Variants in ANAPC4 observed in about 807,000 individuals in gnomAD.
The protein encoded by ANAPC4 is anaphase promoting complex subunit 4, also known as anaphase-promoting complex subunit 4.
ANAPC4 carries 63 observed loss-of-function variants against 119.8 expected under a neutral mutation model. The observed-to-expected ratio is 0.53, with a 90% CI of 0.43 to 0.65. ANAPC4 has a LOEUF of 0.65. ANAPC4 is among the 30% of genes least tolerant of loss of function. The pLI, the probability that ANAPC4 is intolerant of heterozygous loss-of-function variation, is 0.00. For synonymous variants in ANAPC4, 283 were observed against 318.6 expected, an observed-to-expected ratio of 0.89 and a Z score of 1.19; for missense variants, 716 against 945.1, an observed-to-expected ratio of 0.76 and a Z score of 3.18.
intron 3 of ANAPC4, among the ~76,000 whole-genome samples, chr4:25,383,022 G>A (rs527510679): frequency 1.4e-4 from 21 of 152,262 alleles, no homozygotes; most frequent in African/African-American, 4.1e-4. Context: ...AGTGTGCTAC[G>A]TGAGAAAGTA....
At position 25,384,103 on chromosome 4, in the gene ANAPC4, T is replaced by C. The variant is rs187081508; in HGVS notation, c.368+710T>C. Among the ~76,000 whole-genome samples the C allele has an allele frequency of 1.9e-3, 289 of 152,372 alleles. 2 individuals are homozygous for C. The highest frequency in any genetic ancestry group is 6.6e-3 in the African/African-American group (275 of 41,592). On this transcript the variant is annotated intron_variant, in intron 4 of 28. Coordinates refer to ENST00000315368, the MANE Select transcript of ANAPC4 (RefSeq NM_013367.3). ...TAAGTTTATGGAATATTCTAAATCC[T>C]TTGTCATGTCAACATTGCTCATAGC...
Position 25,377,421 on chromosome 4 carries a change from C to A in ANAPC4, c.-7C>A. 2 of 1,613,874 alleles carry A rather than the reference C, an allele frequency of 1.2e-6. No homozygotes were observed. Among genetic ancestry groups the A allele is most frequent in the South Asian group, 1.1e-5 (1 of 91,064 alleles). ...TCTGACTGGGGTGTCGTTGCAGGGC[C>A]GTCCCCATGTTGCGTTTTCCGACCT... On this transcript the variant is annotated 5_prime_UTR_variant, in exon 2 of 29. Transcript: ENST00000315368.
chr4:25,386,489 C>T (rs550560107), intron 4 of ANAPC4, among the ~76,000 whole-genome samples: 1 of 152,268 alleles, frequency 6.6e-6, no homozygotes, highest in South Asian at 2.1e-4. Context: ...GGATTATAGA[C>T]GTGAGCCACC....
chr4:25,392,252 A>T (rs548579913), intron 9 of ANAPC4, 86 bp from the exon 10 acceptor site: 1 of 912,894 alleles, frequency 1.1e-6, no homozygotes, highest in African/African-American at 1.6e-5. Context: ...AGTCTTTCTG[A>T]TACGTAGTTT....
At chr4:25,400,537 T>G (rs1038356403) in intron 16 of ANAPC4, among the ~76,000 whole-genome samples, 8 of 152,214 alleles carry the variant, frequency 5.3e-5, no homozygotes, top group African/African-American at 1.9e-4. Context: ...AGCTGTCTAG[T>G]CCAGCAGGAG....
At chr4:25,398,241 G>A (rs185328768) in intron 16 of ANAPC4, among the ~76,000 whole-genome samples, 100 of 152,226 alleles carry the variant, frequency 6.6e-4, no homozygotes, top group East Asian at 4.6e-3. Flanking sequence ...CATTTGTTGA[G>A]CACTTAACTA....
intron 8 of ANAPC4, 149 bp downstream of exon 8, chr4:25,390,369 GAT>G (rs1424085753): frequency 3.2e-5 from 17 of 536,828 alleles, no homozygotes; most frequent in Non-Finnish European, 2.5e-5. Flanking sequence ...TCCTTACTAA[GAT>G]AAAATAATTG....
At chr4:25,380,332 A>G in intron 2 of ANAPC4, 42 bp from the exon 3 acceptor site, 2 of 1,504,074 alleles carry the variant, frequency 1.3e-6, no homozygotes, top group South Asian at 2.4e-5. Flanking sequence ...ATTTTTGGAA[A>G]TGAATTTTTA....
chr4:25,414,256 C>T, intron 22 of ANAPC4, 68 bp from the exon 23 acceptor site: 3 of 1,121,966 alleles, frequency 2.7e-6, no homozygotes, highest in Non-Finnish European at 3.8e-6. Flanking sequence ...GATGGTCAGT[C>T]ACTTTCTGTA....
At chr4:25,403,098 T>G (rs1723068003) in intron 17 of ANAPC4, 72 bp downstream of exon 17, 1 of 1,161,460 alleles carries the variant, frequency 8.6e-7, no homozygotes. Flanking sequence ...CTTAGACTGT[T>G]TCAATAAATC....
intron 16 of ANAPC4, among the ~76,000 whole-genome samples, chr4:25,398,549 A>G (rs867797308): frequency 3.9e-5 from 6 of 152,108 alleles, no homozygotes; most frequent in Middle Eastern, 3.2e-3. Flanking sequence ...GTGATAGAGG[A>G]TGGCCAGGTT....
chr4:25,387,069 A>G (rs1722079847), intron 4 of ANAPC4, among the ~76,000 whole-genome samples: 1 of 152,128 alleles, frequency 6.6e-6, no homozygotes, highest in Admixed American at 6.5e-5. Context: ...GTATTCTTAG[A>G]GTATGAAAAA....
intron 20 of ANAPC4, 57 bp from the exon 21 acceptor site, chr4:25,409,641 T>C: frequency 7.5e-7 from 1 of 1,341,978 alleles, no homozygotes; most frequent in South Asian, 1.3e-5. Context: ...TTTTTTTCTT[T>C]TTCCATTTTC....
At position 25,380,495 on chromosome 4, in the gene ANAPC4, CA is replaced by C. The variant is rs753927768; in HGVS notation, c.235+24del. The C allele has an allele frequency of 1.1e-4, 175 of 1,546,086 alleles. No individual in the cohort carries two copies. Among genetic ancestry groups the C allele is most frequent in the South Asian group, 3.5e-4 (30 of 84,848 alleles). ...GATGGCAAACGTAATGATAATATTACAAAAAAAATATGTTTTTATTTTCACA... is the reference window on the plus strand; with the variant it reads ...GATGGCAAACGTAATGATAATATTACAAAAAAATATGTTTTTATTTTCACA... On this transcript the variant is annotated intron_variant, in intron 3 of 28. Transcript: ENST00000315368.
chr4:25,380,610 A>T, intron 3 of ANAPC4, 131 bp downstream of exon 3: 2 of 525,050 alleles, frequency 3.8e-6, no homozygotes, highest in Non-Finnish European at 6.1e-6. Context: ...GAACTTTTTA[A>T]AAAAAATGCC....
chr4:25,397,480 A>C (rs578124553), intron 16 of ANAPC4, among the ~76,000 whole-genome samples: 105 of 152,322 alleles, frequency 6.9e-4, no homozygotes, highest in African/African-American at 2.5e-3. Context: ...CAGAACTGCC[A>C]GGATTGCCTT....
chr4:25,417,513 G>A (rs1164347982), intron 27 of ANAPC4, 103 bp from the exon 28 acceptor site: 1 of 1,132,278 alleles, frequency 8.8e-7, no homozygotes, highest in African/African-American at 1.6e-5. Context: ...ATAGAAGTAT[G>A]AGTAGAAGTC....
chr4:25,379,438 CAAG>C (rs1229463624), intron 2 of ANAPC4, among the ~76,000 whole-genome samples: 2 of 152,172 alleles, frequency 1.3e-5, no homozygotes, highest in Non-Finnish European at 2.9e-5. Context: ...AGGAGATTTA[CAAG>C]AAGAGAAGAA....
At position 25,415,448 on chromosome 4, in the gene ANAPC4, C is replaced by T; in HGVS notation, c.1827-18C>T. On this transcript the variant is annotated intron_variant, in intron 25 of 28. Coordinates refer to ENST00000315368, the MANE Select transcript of ANAPC4 (RefSeq NM_013367.3). Reference sequence around the variant, plus strand: ...GTTGTTCCACAGAGTCTCTTTTTTTCCCCCTTCTTTCTTGAAGATCTGTGA... The same window carrying T: ...GTTGTTCCACAGAGTCTCTTTTTTTTCCCCTTCTTTCTTGAAGATCTGTGA... 1 of 1,568,418 alleles carries T rather than the reference C, an allele frequency of 6.4e-7. No individual in the cohort carries two copies. Among genetic ancestry groups the T allele is most frequent in the Non-Finnish European group, 8.7e-7 (1 of 1,150,368 alleles).
Sources: gnomAD v4.1 joint callset for allele counts (sites outside exome capture counted in the v4.1 genomes callset) on GRCh38, gnomAD v4.1.1 for gene constraint, MANE v1.5 for transcripts, NCBI Gene and HGNC (gene_info 2026-07-23, HGNC 2026-07-21) for gene names.